The following KCNMA1 variants were observed in gnomAD, a reference collection of about 807,000 sequenced individuals.
KCNMA1 encodes potassium calcium-activated channel subfamily M alpha 1, also known as Calcium-activated potassium channel subunit alpha-1.
In KCNMA1, 29 loss-of-function variants were observed where a neutral mutation model predicts 140.0. That is an observed-to-expected ratio of 0.21 (90% CI 0.15 to 0.28). The LOEUF is 0.28. Ranked by LOEUF, KCNMA1 falls within the 10% of genes least tolerant of loss-of-function variation. The pLI is 1.00. For synonymous variants in KCNMA1, 612 were observed against 611.9 expected, an observed-to-expected ratio of 1.00 and a Z score of 0.00; for missense variants, 880 against 1,602.2, an observed-to-expected ratio of 0.55 and a Z score of 7.70.
intron 1 of KCNMA1, among the ~76,000 whole-genome samples, chr10:77,541,200 C>A (rs143159142): frequency 7.2e-5 from 11 of 151,934 alleles, no homozygotes; most frequent in African/African-American, 2.7e-4. Flanking sequence ...TAAGTATAAA[C>A]GAATTAAACG....
At chr10:76,963,809 C>A (rs1207536716) in intron 20 of KCNMA1, among the ~76,000 whole-genome samples, 1 of 152,138 alleles carries the variant, frequency 6.6e-6, no homozygotes, top group African/African-American at 2.4e-5. Context: ...GTGTTCTACC[C>A]TTCTTTAACA....
chr10:77,066,085 G>C (rs182846204), intron 14 of KCNMA1, among the ~76,000 whole-genome samples: 3 of 152,286 alleles, frequency 2.0e-5, no homozygotes, highest in Non-Finnish European at 4.4e-5. Context: ...AGATGAGATG[G>C]GACCCCATGG....
In KCNMA1 at chr10:76,914,973, G is replaced by A. The variant is rs145564330; in HGVS notation, c.2979C>T (p.Ile993=). 6.2e-7 allele frequency: 1 copy of A among 1,613,524 alleles called. No homozygotes were observed. Among genetic ancestry groups the A allele is most frequent in the African/African-American group, 1.3e-5 (1 of 74,908 alleles). ...PVHGMLRQPS[I]TTGVNIPIIT... The stretch of plus-strand genomic sequence containing the variant: ...TGATGGGGATGTTGACCCCAGTTGT[G>A]ATGGATGGTTGACGTAACATCCCGT... The change falls in exon 24 of 28, where the codon ATC becomes ATT. Residue 993 remains isoleucine, a synonymous_variant. Coordinates refer to ENST00000286628, the MANE Select transcript of KCNMA1 (RefSeq NM_001161352.2).
At chr10:77,505,047 A>G (rs2045335642) in intron 1 of KCNMA1, among the ~76,000 whole-genome samples, 1 of 152,096 alleles carries the variant, frequency 6.6e-6, no homozygotes, top group African/African-American at 2.4e-5. Context: ...TCACTGATTC[A>G]GGGCCCAGAG....
chr10:77,296,908 T>TTGG (rs1555163764), intron 2 of KCNMA1, among the ~76,000 whole-genome samples: 38 of 80,350 alleles, frequency 4.7e-4, no homozygotes, highest in African/African-American at 1.3e-3. Context: ...CCTGGGTGTG[T>TTGG]GGGCGGGGGG....
chr10:77,512,976 G>A (rs747508262), intron 1 of KCNMA1, among the ~76,000 whole-genome samples: 2 of 152,132 alleles, frequency 1.3e-5, no homozygotes, highest in Non-Finnish European at 1.5e-5. Flanking sequence ...TTACAAGAGT[G>A]AACTTCACCA....
chr10:77,520,915 C>A (rs2053171392), intron 1 of KCNMA1, among the ~76,000 whole-genome samples: 1 of 152,198 alleles, frequency 6.6e-6, no homozygotes, highest in African/African-American at 2.4e-5. Context: ...TCCTAACAAC[C>A]CCAGCTTTTG....
intron 5 of KCNMA1, among the ~76,000 whole-genome samples, chr10:77,173,647 G>A (rs2098728070): frequency 6.6e-6 from 1 of 152,038 alleles, no homozygotes; most frequent in Admixed American, 6.5e-5. Context: ...GGCCCAAAAA[G>A]GGAAATCATA....
intron 9 of KCNMA1, among the ~76,000 whole-genome samples, chr10:77,100,628 G>A (rs1457349127): frequency 6.6e-6 from 1 of 152,186 alleles, no homozygotes; most frequent in Non-Finnish European, 1.5e-5. Flanking sequence ...GATGACAGCA[G>A]CATGGAAGGA....
intron 5 of KCNMA1, among the ~76,000 whole-genome samples, chr10:77,162,336 C>T (rs1416935497): frequency 6.6e-6 from 1 of 152,158 alleles, no homozygotes; most frequent in Non-Finnish European, 1.5e-5. Flanking sequence ...TGGAGGATTG[C>T]AAATTTGCTG....
At chr10:77,520,255 G>GTGGTGTGAGGGTA (rs2052797320) in intron 1 of KCNMA1, among the ~76,000 whole-genome samples, 1 of 90,526 alleles carries the variant, frequency 1.1e-5, no homozygotes, top group African/African-American at 4.3e-5. Flanking sequence ...GGTCTGGGGT[G>GTGGTGTGAGGGTA]TGCAGTGTGA....
intron 1 of KCNMA1, among the ~76,000 whole-genome samples, chr10:77,432,220 G>T (rs2097170354): frequency 6.6e-6 from 1 of 152,146 alleles, no homozygotes; most frequent in Non-Finnish European, 1.5e-5. Flanking sequence ...GAGGCTTTTT[G>T]ATTGCTTTGC....
At chr10:77,266,975 G>A (rs543922883) in intron 2 of KCNMA1, among the ~76,000 whole-genome samples, 1 of 152,312 alleles carries the variant, frequency 6.6e-6, no homozygotes, top group African/African-American at 2.4e-5. Context: ...AGTAGGGACA[G>A]ACACTCAACA....
intron 2 of KCNMA1, among the ~76,000 whole-genome samples, chr10:77,364,843 G>A (rs535625622): frequency 4.6e-5 from 7 of 152,290 alleles, no homozygotes; most frequent in South Asian, 2.1e-4. Flanking sequence ...AAATTGGCAC[G>A]TTTACCTGCC....
intron 14 of KCNMA1, among the ~76,000 whole-genome samples, chr10:77,042,588 A>C (rs1156953006): frequency 6.6e-6 from 1 of 152,200 alleles, no homozygotes; most frequent in Non-Finnish European, 1.5e-5. Context: ...ATTTAAATAC[A>C]ACAACTGATT....
At chr10:77,426,694 G>A (rs911016127) in intron 1 of KCNMA1, among the ~76,000 whole-genome samples, 1 of 152,202 alleles carries the variant, frequency 6.6e-6, no homozygotes, top group Non-Finnish European at 1.5e-5. Flanking sequence ...AGCCCCTGCA[G>A]CACTTCATAG....
chr10:77,573,642 GGAATAGAATAGAATAGAATAGAATA>G (rs57641471), intron 1 of KCNMA1, among the ~76,000 whole-genome samples: 2,090 of 64,794 alleles, frequency 0.032, 69 homozygotes, highest in Admixed American at 0.062. Flanking sequence ...GGAATGGAAT[GGAATAGAATAGAATAGAATAGAATA>G]GAATAGAATA....
At chr10:77,474,683 A>T (rs997046518) in intron 1 of KCNMA1, among the ~76,000 whole-genome samples, 1 of 151,994 alleles carries the variant, frequency 6.6e-6, no homozygotes, top group African/African-American at 2.4e-5. Flanking sequence ...GCCAAACAAC[A>T]CAGAGCCCTG....
At chr10:76,973,310 T>G (rs2076611766) in intron 19 of KCNMA1, 1 of 152,530 alleles carries the variant, frequency 6.6e-6, no homozygotes, top group Non-Finnish European at 1.5e-5. Flanking sequence ...CTCATAAAAT[T>G]CAAGGGCTTG....
Sources: gnomAD v4.1 joint callset for allele counts (sites outside exome capture counted in the v4.1 genomes callset) on GRCh38, gnomAD v4.1.1 for gene constraint, MANE v1.5 for transcripts, NCBI Gene and HGNC (gene_info 2026-07-23, HGNC 2026-07-21) for gene names.